Variants in TCF15 observed in about 807,000 individuals in gnomAD.
The protein encoded by TCF15 is transcription factor 15, also known as TCF-15.
In TCF15, 7 loss-of-function variants were observed where a neutral mutation model predicts 11.1. The observed-to-expected ratio is 0.63, with a 90% CI of 0.36 to 1.19. TCF15 has a LOEUF of 1.19. TCF15 is among the 50% of genes most tolerant of loss of function. The pLI is 0.02. For synonymous variants in TCF15, 144 were observed against 138.9 expected (o/e 1.04, Z -0.26); for missense variants, 288 against 289.4 (o/e 1.00, Z 0.03).
In TCF15 at chr20:604,370, G is replaced by C; in HGVS notation, c.*221C>G. ...ACCAACAGTCTTTGTTTTTCCAAAA[G>C]TTCTGCCTTGTCTCTGACCAGCCAG... is the stretch of plus-strand genomic sequence containing the variant. On this transcript the variant is annotated 3_prime_UTR_variant, in exon 2 of 2. Transcript: ENST00000246080. The surrounding 1 kb of genome is among the most constrained non-coding windows in gnomAD (Gnocchi z 4.2). 1.7e-6 allele frequency: 1 copy of C among 600,132 alleles called. No individual in the cohort carries two copies. Among genetic ancestry groups the C allele is most frequent in the Non-Finnish European group, 3.0e-6 (1 of 334,334 alleles). The allele number at this position is 600,132 out of a possible 1,614,324, so 37.2% of individuals were successfully genotyped here.
At position 609,197 on chromosome 20, in the gene TCF15, G is replaced by A. The variant is rs997234925; in HGVS notation, c.525+516C>T. The stretch of plus-strand genomic sequence containing the variant: ...TAGGACAGGGGACAATTATTTCAAG[G>A]TGGGGGCAACACACACCGGGCAAGC... On this transcript the variant is annotated intron_variant, in intron 1 of 1. Coordinates refer to ENST00000246080, the MANE Select transcript of TCF15 (RefSeq NM_004609.4). The surrounding 1 kb of genome is among the most constrained non-coding windows in gnomAD (Gnocchi z 4.7). 1.3e-5 allele frequency among the ~76,000 whole-genome samples: 2 copies of A among 152,162 alleles called. No homozygotes were observed. Among genetic ancestry groups the A allele is most frequent in the Admixed American group, 1.3e-4 (2 of 15,282 alleles).
Position 609,848 on chromosome 20 carries a change from C to G in TCF15, c.390G>C (p.Leu130=), listed in dbSNP as rs371544807. ...YIAHLANVLL[L]GDSADDGQPC... The stretch of plus-strand genomic sequence containing the variant: ...GCTGCCCGTCGTCGGCCGAGTCGCC[C>G]AGCAGCAGCACGTTGGCCAGGTGCG... The change falls in exon 1 of 2, where the codon CTG becomes CTC. Residue 130 remains leucine, a synonymous_variant. Coordinates refer to ENST00000246080, the MANE Select transcript of TCF15 (RefSeq NM_004609.4). The surrounding 1 kb of genome is among the most constrained non-coding windows in gnomAD (Gnocchi z 4.7). 5.2e-5 allele frequency: 79 copies of G among 1,526,430 alleles called. No individual in the cohort carries two copies. Among genetic ancestry groups the G allele is most frequent in the Admixed American group, 1.6e-4 (8 of 50,244 alleles). The allele number at this position is 1,526,430 out of a possible 1,614,324, so 94.6% of individuals were successfully genotyped here. A position where few individuals can be genotyped will look rare whatever the true frequency, so the allele number is the denominator to read the frequency against.
rs539050683 is a variant in TCF15, at chr20:604,922, C to T, written c.526-257G>A. ...TGTGATTGCTGGGGAGAAGCACACA[C>T]GGGAAATTGTGAGTGGGTTTCTTCA... On this transcript the variant is annotated intron_variant, in intron 1 of 1. Transcript: ENST00000246080. This position sits in a 1 kb window ranked among gnomAD's most constrained non-coding sequence, Gnocchi z 4.2. 1.2e-4 allele frequency among the ~76,000 whole-genome samples: 18 copies of T among 152,146 alleles called. No individual in the cohort carries two copies. The highest frequency in any genetic ancestry group is 2.4e-4 in the African/African-American group (10 of 41,458).
In TCF15 at chr20:604,582, G is replaced by T; in HGVS notation, c.*9C>A. The T allele has an allele frequency of 6.4e-7, 1 of 1,551,398 alleles. No individual in the cohort carries two copies. Among genetic ancestry groups the T allele is most frequent in the Non-Finnish European group, 8.7e-7 (1 of 1,146,766 alleles). On this transcript the variant is annotated 3_prime_UTR_variant, in exon 2 of 2. Coordinates refer to ENST00000246080, the MANE Select transcript of TCF15 (RefSeq NM_004609.4). The surrounding 1 kb of genome is among the most constrained non-coding windows in gnomAD (Gnocchi z 4.2). ...GCTGGCTCCTGGCCTCCTTCTCCAG[G>T]GTCCAGGCTCATCTCCGTGGCCCTC... is the stretch of plus-strand genomic sequence containing the variant.
rs1432655172 is a variant in TCF15, at chr20:604,905, C to T, written c.526-240G>A. On this transcript the variant is annotated intron_variant, in intron 1 of 1. Coordinates refer to ENST00000246080, the MANE Select transcript of TCF15 (RefSeq NM_004609.4). This position sits in a 1 kb window ranked among gnomAD's most constrained non-coding sequence, Gnocchi z 4.2. The stretch of plus-strand genomic sequence containing the variant: ...TGAATGCGCCTGTGTGCTGTGATTG[C>T]TGGGGAGAAGCACACACGGGAAATT... 6.6e-6 allele frequency among the ~76,000 whole-genome samples: 1 copy of T among 152,172 alleles called. No homozygotes were observed. Among genetic ancestry groups the T allele is most frequent in the African/African-American group, 2.4e-5 (1 of 41,428 alleles).
chr20:609,903 T>C lies in TCF15; in HGVS notation c.335A>G (p.Glu112Gly). The C allele has an allele frequency of 1.3e-6, 2 of 1,528,370 alleles. No individual in the cohort carries two copies. Among genetic ancestry groups the C allele is most frequent in the Non-Finnish European group, 1.7e-6 (2 of 1,148,736 alleles). The allele number at this position is 1,528,370 out of a possible 1,614,324, so 94.7% of individuals were successfully genotyped here. ...GTAGCTGGACGCCAGGCGCACGGTC[T>C]CGATCTTGGACAGCTTGCGGTCCAC... Reference protein sequence around the residue: ...EPVDRKLSKIETVRLASSYIA... With the variant: ...EPVDRKLSKIGTVRLASSYIA... Residue 112 changes from glutamate (E) to glycine (G), a missense_variant, in exon 1 of 2, where the codon GAG becomes GGG. By Grantham distance (98) the Glu-to-Gly change is moderately conservative. Transcript: ENST00000246080. This position sits in a 1 kb window ranked among gnomAD's most constrained non-coding sequence, Gnocchi z 4.7.
At chr20:607,026 G>A (rs555653269) in intron 1 of TCF15, among the ~76,000 whole-genome samples, 34 of 152,286 alleles carry the variant, frequency 2.2e-4, no homozygotes, top group Middle Eastern at 6.8e-3. Context: ...CCCCGTAAAG[G>A]GGAATTACTT....
chr20:609,923 G>C lies in TCF15; in HGVS notation c.315C>G (p.Asp105Glu). Reference protein sequence around the residue: ...LRTLIPTEPVDRKLSKIETVR... With the variant: ...LRTLIPTEPVERKLSKIETVR... ...CGGTCTCGATCTTGGACAGCTTGCG[G>C]TCCACCGGCTCGGTGGGGATGAGCG... The change falls in exon 1 of 2, where the codon GAC (aspartate) becomes GAG (glutamate). Residue 105 changes from aspartate (D) to glutamate (E), a missense_variant. Asp to Glu is a conservative substitution (Grantham distance 45). Coordinates refer to ENST00000246080, the MANE Select transcript of TCF15 (RefSeq NM_004609.4). The surrounding 1 kb of genome is among the most constrained non-coding windows in gnomAD (Gnocchi z 4.7). The C allele has an allele frequency of 3.3e-6, 5 of 1,522,548 alleles. No homozygotes were observed. The highest frequency in any genetic ancestry group is 4.4e-6 in the Non-Finnish European group (5 of 1,144,608). The allele number at this position is 1,522,548 out of a possible 1,614,324, so 94.3% of individuals were successfully genotyped here.
Position 604,694 on chromosome 20 carries a change from G to T in TCF15, c.526-29C>A. The T allele has an allele frequency of 6.5e-7, 1 of 1,526,900 alleles. No individual in the cohort carries two copies. Among genetic ancestry groups the T allele is most frequent in the Non-Finnish European group, 8.8e-7 (1 of 1,131,582 alleles). 94.6% of individuals were successfully genotyped at this position (1,526,900 alleles called of 1,614,324 possible). On this transcript the variant is annotated intron_variant, in intron 1 of 1. Coordinates refer to ENST00000246080, the MANE Select transcript of TCF15 (RefSeq NM_004609.4). This position sits in a 1 kb window ranked among gnomAD's most constrained non-coding sequence, Gnocchi z 4.2. Reference sequence around the variant, plus strand: ...CAGAGGGGGAGAAAGAGTATAAAGAGGTTCGATTAGGCCAGTGTGAACACT... The same window carrying T: ...CAGAGGGGGAGAAAGAGTATAAAGATGTTCGATTAGGCCAGTGTGAACACT...
At chr20:608,766 G>T (rs1442438986) in intron 1 of TCF15, among the ~76,000 whole-genome samples, 1 of 152,206 alleles carries the variant, frequency 6.6e-6, no homozygotes, top group Non-Finnish European at 1.5e-5. Context: ...CTCAGCCTCA[G>T]TTTCCCCGGA....
intron 1 of TCF15, among the ~76,000 whole-genome samples, chr20:607,743 TC>T (rs952255430): frequency 6.6e-6 from 1 of 152,160 alleles, no homozygotes; most frequent in Non-Finnish European, 1.5e-5. Context: ...TACAGGGACT[TC>T]CCTCTGTAAC....
rs377599453 is a variant in TCF15, at chr20:609,636, C to T, written c.525+77G>A. 8.4e-6 allele frequency: 11 copies of T among 1,306,248 alleles called. No homozygotes were observed. The African/African-American group carries it at 1.1e-4, about 13-fold the overall frequency. 80.9% of individuals were successfully genotyped at this position (1,306,248 alleles called of 1,614,324 possible). On this transcript the variant is annotated intron_variant, in intron 1 of 1. Transcript: ENST00000246080. This position sits in a 1 kb window ranked among gnomAD's most constrained non-coding sequence, Gnocchi z 4.7. ...CTGGCCTCGTTGGGGACCCCTGCACCTCTCCGGTTCCCGCAGAGGCGCTGC... is the reference window on the plus strand; with the variant it reads ...CTGGCCTCGTTGGGGACCCCTGCACTTCTCCGGTTCCCGCAGAGGCGCTGC...
At chr20:607,712 T>C (rs2019988244) in intron 1 of TCF15, among the ~76,000 whole-genome samples, 1 of 152,188 alleles carries the variant, frequency 6.6e-6, no homozygotes, top group Non-Finnish European at 1.5e-5. Flanking sequence ...CTGCTTGCTA[T>C]GGGGGTGGAC....
chr20:606,202 CT>C (rs1051969680), intron 1 of TCF15, among the ~76,000 whole-genome samples: 2 of 152,176 alleles, frequency 1.3e-5, no homozygotes, highest in African/African-American at 2.4e-5. Context: ...GAGCCTGGGG[CT>C]TGGGCTTCTC....
Position 610,037 on chromosome 20 carries a change from G to A in TCF15, c.201C>T (p.Pro67=), listed in dbSNP as rs2020010490. Residue 67 remains proline (P), a synonymous_variant, in exon 1 of 2, where the codon CCC becomes CCT. Transcript: ENST00000246080. ...CCTGCCGCTGTCGCACCACCACCAC[G>A]GGGCCCGCGCCGCCGCCGCCGCCCG... ...RRAGGGGGAG[P]VVVVRQRQAA... 1 of 1,208,120 alleles carries A rather than the reference G, an allele frequency of 8.3e-7. No individual in the cohort carries two copies. The highest frequency in any genetic ancestry group is 3.5e-5 in the South Asian group (1 of 28,324). 74.8% of individuals were successfully genotyped at this position (1,208,120 alleles called of 1,614,324 possible).
intron 1 of TCF15, among the ~76,000 whole-genome samples, chr20:607,442 C>T (rs1172370488): frequency 1.3e-5 from 2 of 152,212 alleles, no homozygotes; most frequent in Admixed American, 6.5e-5. Flanking sequence ...GCTCTTCTGG[C>T]CCACAAAGCT....
chr20:606,498 T>C (rs1250082255), intron 1 of TCF15, among the ~76,000 whole-genome samples: 1 of 152,080 alleles, frequency 6.6e-6, no homozygotes, highest in African/African-American at 2.4e-5. Flanking sequence ...AATGCAGCTG[T>C]GTAAGCTGCT....
chr20:604,683 G>C lies in TCF15; in HGVS notation c.526-18C>G, dbSNP rs1473662475. ...CGGCCACCCTGCAGAGGGGGAGAAA[G>C]AGTATAAAGAGGTTCGATTAGGCCA... On this transcript the variant is annotated intron_variant, in intron 1 of 1. Coordinates refer to ENST00000246080, the MANE Select transcript of TCF15 (RefSeq NM_004609.4). This position sits in a 1 kb window ranked among gnomAD's most constrained non-coding sequence, Gnocchi z 4.2. 1.3e-6 allele frequency: 2 copies of C among 1,544,012 alleles called. No homozygotes were observed. Among genetic ancestry groups the C allele is most frequent in the Non-Finnish European group, 1.7e-6 (2 of 1,143,396 alleles).
chr20:604,753 T>A lies in TCF15; in HGVS notation c.526-88A>T. ...CCTCTGTATCCCTCAAGAGGGATCC[T>A]GATCAATAAATCACAGTTCAGCCAC... On this transcript the variant is annotated intron_variant, in intron 1 of 1. Transcript: ENST00000246080. The surrounding 1 kb of genome is among the most constrained non-coding windows in gnomAD (Gnocchi z 4.2). 9.6e-7 allele frequency: 1 copy of A among 1,037,300 alleles called. No individual in the cohort carries two copies. Among genetic ancestry groups the A allele is most frequent in the South Asian group, 1.7e-5 (1 of 60,236 alleles). 64.3% of individuals were successfully genotyped at this position (1,037,300 alleles called of 1,614,324 possible).
Sources: allele counts gnomAD v4.1 joint callset (sites outside exome capture counted in the v4.1 genomes callset), GRCh38; gene constraint gnomAD v4.1.1; non-coding constraint Gnocchi (gnomAD v3.1); transcripts MANE v1.5; gene names NCBI Gene and HGNC (gene_info 2026-07-23, HGNC 2026-07-21).